Variants in KCTD3 observed in about 807,000 individuals in gnomAD.
The protein encoded by KCTD3 is BTB/POZ domain-containing protein KCTD3.
KCTD3 carries 41 observed loss-of-function variants against 85.8 expected under a neutral mutation model. The observed-to-expected ratio is 0.48, with a 90% confidence interval of 0.37 to 0.62. The LOEUF is 0.62. Ranked by LOEUF, KCTD3 falls within the 20% of genes least tolerant of loss-of-function variation. KCTD3 has a pLI of 0.00. For missense variants in KCTD3, 724 were observed against 989.9 expected, an observed-to-expected ratio of 0.73 and a Z score of 3.60; for synonymous variants, 338 against 345.4, an observed-to-expected ratio of 0.98 and a Z score of 0.24.
intron 8 of KCTD3, among the ~76,000 whole-genome samples, chr1:215,584,893 G>A (rs537578401): frequency 7.2e-5 from 11 of 152,248 alleles, no homozygotes; most frequent in African/African-American, 2.6e-4. Context: ...AAAGAAATAT[G>A]CTCCAAATTT....
chr1:215,613,151 GT>G (rs1655295680), intron 15 of KCTD3, among the ~76,000 whole-genome samples: 1 of 152,110 alleles, frequency 6.6e-6, no homozygotes, highest in Non-Finnish European at 1.5e-5. Context: ...CAGGGAAAAA[GT>G]TTTTTGCATG....
chr1:215,576,701 G>T (rs1030104979), intron 4 of KCTD3, among the ~76,000 whole-genome samples: 2 of 151,720 alleles, frequency 1.3e-5, no homozygotes, highest in Non-Finnish European at 2.9e-5. Flanking sequence ...CCAAGTAGCT[G>T]GGACTACAGG....
In KCTD3 at chr1:215,618,940, G is replaced by A; in HGVS notation, c.1617G>A (p.Arg539=). 6.2e-7 allele frequency: 1 copy of A among 1,613,456 alleles called. No individual in the cohort carries two copies. ...DCTTISSFTV[R]ECEGSSRMGS... ...CTACAATATCCTCATTTACAGTGAG[G>A]GAATGTGAGGGATCCAGTAGGATGG... Residue 539 remains arginine, a synonymous_variant, in exon 16 of 18, where the codon AGG becomes AGA. Coordinates refer to ENST00000259154, the MANE Select transcript of KCTD3 (RefSeq NM_016121.5).
At chr1:215,617,856 A>T (rs1456587715) in intron 15 of KCTD3, among the ~76,000 whole-genome samples, 1 of 147,754 alleles carries the variant, frequency 6.8e-6, no homozygotes, top group African/African-American at 2.5e-5. Flanking sequence ...GTATATACGT[A>T]ATATATATTA....
intron 9 of KCTD3, among the ~76,000 whole-genome samples, chr1:215,591,728 G>A (rs1253667379): frequency 6.6e-6 from 1 of 152,154 alleles, no homozygotes; most frequent in Non-Finnish European, 1.5e-5. Flanking sequence ...TTAGGGAAAC[G>A]CTTATGCAAC....
At chr1:215,568,051 A>G (rs1023278535) in intron 1 of KCTD3, among the ~76,000 whole-genome samples, 1 of 152,206 alleles carries the variant, frequency 6.6e-6, no homozygotes, top group African/African-American at 2.4e-5. Context: ...GCCCCTCCCA[A>G]CAGGCAAGGA....
intron 9 of KCTD3, among the ~76,000 whole-genome samples, chr1:215,593,899 C>T (rs1379964523): frequency 4.3e-5 from 6 of 138,564 alleles, no homozygotes; most frequent in Non-Finnish European, 6.1e-5. Flanking sequence ...CTTGCTCTGT[C>T]ACCCAGGCTG....
chr1:215,583,465 C>A (rs578045154), intron 8 of KCTD3, among the ~76,000 whole-genome samples: 2 of 152,278 alleles, frequency 1.3e-5, no homozygotes, highest in East Asian at 3.9e-4. Context: ...ACTTTTGTTG[C>A]CATCTTGGTT....
At chr1:215,613,827 T>C (rs1474754514) in intron 15 of KCTD3, among the ~76,000 whole-genome samples, 1 of 152,048 alleles carries the variant, frequency 6.6e-6, no homozygotes, top group Non-Finnish European at 1.5e-5. Context: ...CTTTGTTTTC[T>C]GGGTTCTGCA....
chr1:215,570,358 T>C lies in KCTD3; in HGVS notation c.83+2590T>C, dbSNP rs1659315425. 2.0e-5 allele frequency among the ~76,000 whole-genome samples: 3 copies of C among 152,324 alleles called. No individual in the cohort carries two copies. In the South Asian group the frequency reaches 6.2e-4, roughly 32 times the overall value. On this transcript the variant is annotated intron_variant, in intron 1 of 17. Transcript: ENST00000259154. Reference sequence around the variant, plus strand: ...AGAAAGTAGAGTAGATGAAGTTTCATTTAGAATTGTTAGTATTCGTTATTT... The same window carrying C: ...AGAAAGTAGAGTAGATGAAGTTTCACTTAGAATTGTTAGTATTCGTTATTT...
intron 1 of KCTD3, 129 bp downstream of exon 1, chr1:215,567,897 G>C (rs946694319): frequency 5.4e-6 from 3 of 554,314 alleles, no homozygotes; most frequent in Non-Finnish European, 8.1e-6. Flanking sequence ...GAACGTGGGG[G>C]CCTCCAGGCG....
chr1:215,575,681 C>A (rs960473252), intron 3 of KCTD3, among the ~76,000 whole-genome samples: 6 of 152,042 alleles, frequency 3.9e-5, no homozygotes, highest in African/African-American at 1.4e-4. Context: ...TTAATAATAA[C>A]TATTCAGAGG....
At chr1:215,603,987 AT>A (rs1342207119) in intron 12 of KCTD3, 144 bp from the exon 13 acceptor site, 12,982 of 425,244 alleles carry the variant, frequency 0.031, no homozygotes, top group East Asian at 0.041. Context: ...AAGTCTTAAG[AT>A]TTTTTTTTTT....
chr1:215,604,027 C>T, intron 12 of KCTD3, 105 bp from the exon 13 acceptor site: 1 of 790,148 alleles, frequency 1.3e-6, no homozygotes, highest in Non-Finnish European at 2.0e-6. Context: ...CTGATATAAA[C>T]AGTGAATCCA....
At chr1:215,599,115 G>A (rs1394347296) in intron 10 of KCTD3, among the ~76,000 whole-genome samples, 2 of 152,140 alleles carry the variant, frequency 1.3e-5, no homozygotes, top group African/African-American at 4.8e-5. Flanking sequence ...TCTCCAAATG[G>A]TAGAGAAAGT....
chr1:215,567,464 G>T lies in KCTD3; in HGVS notation c.-222G>T, dbSNP rs1030035984. On this transcript the variant is annotated 5_prime_UTR_variant, in exon 1 of 18. Transcript: ENST00000259154. ...CTGGAGGCCGCGAAAGGTGGAGGCC[G>T]GGCCGCCCTTGTGCACCGCAGGATT... 3 of 252,158 alleles carry T rather than the reference G, an allele frequency of 1.2e-5. No individual in the cohort carries two copies. Among genetic ancestry groups the T allele is most frequent in the African/African-American group, 6.8e-5 (3 of 44,120 alleles). 15.6% of individuals were successfully genotyped at this position (252,158 alleles called of 1,614,324 possible). A position where few individuals can be genotyped will look rare whatever the true frequency, so the allele number is the denominator to read the frequency against.
At chr1:215,591,741 T>C (rs1013434352) in intron 9 of KCTD3, among the ~76,000 whole-genome samples, 2 of 152,188 alleles carry the variant, frequency 1.3e-5, no homozygotes, top group African/African-American at 2.4e-5. Flanking sequence ...TATGCAACTT[T>C]TATGCCACCC....
chr1:215,605,912 C>G (rs1655001264), intron 13 of KCTD3, among the ~76,000 whole-genome samples: 2 of 152,156 alleles, frequency 1.3e-5, no homozygotes, highest in African/African-American at 4.8e-5. Flanking sequence ...AACTTCTCAA[C>G]TTTTCCCTCT....
chr1:215,599,431 A>C (rs955186938), intron 10 of KCTD3, among the ~76,000 whole-genome samples: 3 of 152,216 alleles, frequency 2.0e-5, no homozygotes, highest in African/African-American at 7.2e-5. Context: ...TAGGGGCCTT[A>C]TATGGGAAGA....
Sources: allele counts gnomAD v4.1 joint callset (sites outside exome capture counted in the v4.1 genomes callset), GRCh38; gene constraint gnomAD v4.1.1; transcripts MANE v1.5; gene names NCBI Gene and HGNC (gene_info 2026-07-23, HGNC 2026-07-21).